Variants in GFRA1 observed in about 807,000 individuals in gnomAD.
GFRA1 encodes the protein GDNF family receptor alpha 1, also known as GDNF family receptor alpha-1.
Under a neutral mutation model 51.6 loss-of-function variants are expected in GFRA1, and 16 were observed. The observed-to-expected ratio is 0.31, with a 90% CI of 0.21 to 0.47. The LOEUF is 0.47. Ranked by LOEUF, GFRA1 falls within the 20% of genes least tolerant of loss-of-function variation. GFRA1 has a pLI of 1.00. For missense variants in GFRA1, 530 were observed against 594.3 expected (o/e 0.89, Z 1.13); for synonymous variants, 270 against 241.3 (o/e 1.12, Z -1.10).
At chr10:116,212,542 A>G (rs1965276138) in intron 4 of GFRA1, among the ~76,000 whole-genome samples, 2 of 150,290 alleles carry the variant, frequency 1.3e-5, no homozygotes, top group African/African-American at 4.9e-5. Flanking sequence ...ACACACACAC[A>G]CACACACACA....
intron 4 of GFRA1, among the ~76,000 whole-genome samples, chr10:116,262,387 T>C (rs1251753910): frequency 6.6e-6 from 1 of 152,184 alleles, no homozygotes; most frequent in African/African-American, 2.4e-5. Context: ...ACATTTAATC[T>C]AAATAATAAA....
chr10:116,185,082 T>C (rs548286265), intron 5 of GFRA1, among the ~76,000 whole-genome samples: 15 of 152,294 alleles, frequency 9.8e-5, no homozygotes, highest in African/African-American at 3.6e-4. Context: ...GAGAATCTTG[T>C]TCTAGTGAAG....
intron 5 of GFRA1, among the ~76,000 whole-genome samples, chr10:116,210,036 G>A (rs544046632): frequency 5.2e-4 from 79 of 152,222 alleles, no homozygotes; most frequent in Non-Finnish European, 9.7e-4. Flanking sequence ...ATTAAGTCTC[G>A]ATAGCCAGTG....
chr10:116,269,727 CT>C (rs1969949443), intron 3 of GFRA1, 141 bp from the exon 4 acceptor site: 2 of 687,082 alleles, frequency 2.9e-6, no homozygotes, highest in Non-Finnish European at 5.3e-6. Context: ...AAATGCATCT[CT>C]TTCACTATGG....
chr10:116,253,977 CCT>C (rs1407152818), intron 4 of GFRA1, among the ~76,000 whole-genome samples: 1 of 151,942 alleles, frequency 6.6e-6, no homozygotes. Flanking sequence ...GAATAATGCC[CCT>C]CACGCATACT....
At chr10:116,139,309 C>T (rs547842650) in intron 5 of GFRA1, among the ~76,000 whole-genome samples, 1 of 152,288 alleles carries the variant, frequency 6.6e-6, no homozygotes, top group South Asian at 2.1e-4. Context: ...AGCACTACAT[C>T]AAATAAGATC....
rs555075825 is a variant in GFRA1 at position 116,099,345 on chromosome 10, T to C, written c.771-2581A>G. 5.9e-5 allele frequency among the ~76,000 whole-genome samples: 9 copies of C among 152,318 alleles called. No homozygotes were observed. In the East Asian group the frequency reaches 1.7e-3, roughly 29 times the overall value. ...GGAGCACTGGTTGTTAAATATTTAC[T>C]GGCACGTCTCTATTTAAGAACCAGT... On this transcript the variant is annotated intron_variant, in intron 6 of 10. Coordinates refer to ENST00000355422, the MANE Select transcript of GFRA1 (RefSeq NM_005264.8).
chr10:116,183,106 C>T (rs915046181), intron 5 of GFRA1, among the ~76,000 whole-genome samples: 10 of 152,234 alleles, frequency 6.6e-5, no homozygotes, highest in African/African-American at 2.4e-4. Context: ...AACATGCATT[C>T]TTTTCCTCAG....
At chr10:116,066,108 TACAG>T (rs949344137) in intron 9 of GFRA1, among the ~76,000 whole-genome samples, 12 of 152,334 alleles carry the variant, frequency 7.9e-5, no homozygotes, top group African/African-American at 2.4e-4. Flanking sequence ...TTATTAGTGA[TACAG>T]ACAGAGACCT....
At position 116,151,004 on chromosome 10, in the gene GFRA1, C is replaced by CT. The variant is rs778616310; in HGVS notation, c.434-25448dup. On this transcript the variant is annotated intron_variant, in intron 5 of 10. Coordinates refer to ENST00000355422, the MANE Select transcript of GFRA1 (RefSeq NM_005264.8). Reference sequence around the variant, plus strand: ...AAATGAGCACTGGCATTGAGCTGCACTTTTTTTTTTTTCTAAACGGGAAAA... The same window carrying CT: ...AAATGAGCACTGGCATTGAGCTGCACTTTTTTTTTTTTTCTAAACGGGAAAA... Among the ~76,000 whole-genome samples the CT allele has an allele frequency of 5.0e-3, 733 of 146,194 alleles. 3 individuals are homozygous for CT. The highest frequency in any genetic ancestry group is 0.013 in the African/African-American group (527 of 40,238).
At chr10:116,099,566 C>T (rs1415357113) in intron 6 of GFRA1, among the ~76,000 whole-genome samples, 1 of 152,150 alleles carries the variant, frequency 6.6e-6, no homozygotes. Flanking sequence ...CTAAAACATC[C>T]TTCCTGCCCA....
intron 5 of GFRA1, among the ~76,000 whole-genome samples, chr10:116,209,151 G>C (rs2134432538): frequency 6.6e-6 from 1 of 152,312 alleles, no homozygotes; most frequent in Middle Eastern, 3.4e-3. Flanking sequence ...AAAATGACAT[G>C]AGAGCAGGGT....
rs915678438 is a variant in GFRA1, at chr10:116,229,434, T to C, written c.419-17789A>G. 1.1e-4 allele frequency among the ~76,000 whole-genome samples: 16 copies of C among 152,320 alleles called. No homozygotes were observed. The South Asian group carries it at 3.3e-3, about 32-fold the overall frequency. On this transcript the variant is annotated intron_variant, in intron 4 of 10. Coordinates refer to ENST00000355422, the MANE Select transcript of GFRA1 (RefSeq NM_005264.8). ...GCCACTGAAATTCTGTTTGTTCTTG[T>C]AGGCCCTACAGAATCCTCAGTCCTC...
intron 5 of GFRA1, among the ~76,000 whole-genome samples, chr10:116,211,278 C>A (rs918797749): frequency 6.6e-6 from 1 of 152,184 alleles, no homozygotes; most frequent in African/African-American, 2.4e-5. Flanking sequence ...GGAGCCCCAA[C>A]GGACAGTGGC....
At chr10:116,147,660 A>G (rs1379993877) in intron 5 of GFRA1, among the ~76,000 whole-genome samples, 1 of 152,212 alleles carries the variant, frequency 6.6e-6, no homozygotes, top group Non-Finnish European at 1.5e-5. Flanking sequence ...TTCTTTTTGT[A>G]GAACACTTCA....
At chr10:116,268,995 G>T (rs1014289236) in intron 4 of GFRA1, among the ~76,000 whole-genome samples, 5 of 152,278 alleles carry the variant, frequency 3.3e-5, no homozygotes, top group Non-Finnish European at 7.4e-5. Context: ...AGAAGCAAAA[G>T]AATTGTTAAC....
intron 5 of GFRA1, among the ~76,000 whole-genome samples, chr10:116,186,529 G>C (rs1412038267): frequency 6.8e-6 from 1 of 147,396 alleles, no homozygotes; most frequent in Non-Finnish European, 1.5e-5. Flanking sequence ...ATTCTGAAAG[G>C]CCGGTCTCTC....
chr10:116,252,987 A>C (rs2134706561), intron 4 of GFRA1, among the ~76,000 whole-genome samples: 1 of 152,324 alleles, frequency 6.6e-6, no homozygotes, highest in Admixed American at 6.5e-5. Flanking sequence ...CATCTCCCTA[A>C]GGTTCTAATG....
At chr10:116,150,479 G>C (rs1959017229) in intron 5 of GFRA1, among the ~76,000 whole-genome samples, 1 of 152,092 alleles carries the variant, frequency 6.6e-6, no homozygotes, top group Non-Finnish European at 1.5e-5. Context: ...TGCCCCTCTG[G>C]GTGTTTGAAC....
Sources: gnomAD v4.1 joint callset for allele counts (sites outside exome capture counted in the v4.1 genomes callset) on GRCh38, gnomAD v4.1.1 for gene constraint, MANE v1.5 for transcripts, NCBI Gene and HGNC (gene_info 2026-07-23, HGNC 2026-07-21) for gene names.